ITPR1: variants seen among roughly 807,000 people sequenced by gnomAD.
ITPR1 encodes inositol 1,4,5-trisphosphate receptor type 1.
In ITPR1, 96 loss-of-function variants were observed where a neutral mutation model predicts 318.4. The observed-to-expected ratio is 0.30, with a 90% CI of 0.26 to 0.36. The LOEUF (loss-of-function observed/expected upper bound fraction) is 0.36, where lower values mean the gene tolerates loss of function less well. Among genes scored for constraint, ITPR1 ranks in the 10% least tolerant of loss-of-function variants. The pLI is 1.00. For synonymous variants in ITPR1, 1,312 were observed against 1,289.9 expected (o/e 1.02, Z -0.37); for missense variants, 2,440 against 3,460.2 (o/e 0.71, Z 7.40).
chr3:4,515,328 G>A (rs1007144879), intron 2 of ITPR1, among the ~76,000 whole-genome samples: 5 of 152,232 alleles, frequency 3.3e-5, no homozygotes, highest in Admixed American at 6.5e-5. Flanking sequence ...ACACAATACC[G>A]TTCCACACTG....
At chr3:4,736,049 T>C (rs775104338) in intron 44 of ITPR1, among the ~76,000 whole-genome samples, 2 of 152,242 alleles carry the variant, frequency 1.3e-5, no homozygotes, top group Non-Finnish European at 2.9e-5. Context: ...ATTTTAATAA[T>C]ACATAAATAA....
At chr3:4,666,067 A>G (rs1360928834) in intron 17 of ITPR1, among the ~76,000 whole-genome samples, 1 of 152,112 alleles carries the variant, frequency 6.6e-6, no homozygotes, top group East Asian at 1.9e-4. Flanking sequence ...TATCCTGCCT[A>G]AAATGTCAGT....
chr3:4,836,809 C>G lies in ITPR1; in HGVS notation c.8064C>G (p.Ala2688=). The change falls in exon 61 of 62, where the codon GCC becomes GCG. Residue 2688 remains alanine (A), a synonymous_variant. Coordinates refer to ENST00000649015, the MANE Select transcript of ITPR1 (RefSeq NM_001378452.1). ...RNLDWFPRMR[A]MSLVSSDSEG... ...TTGACTGGTTCCCCAGGATGAGAGCCATGTCATTGGTCAGCAGTGATTCTG... is the reference window on the plus strand; with the variant it reads ...TTGACTGGTTCCCCAGGATGAGAGCGATGTCATTGGTCAGCAGTGATTCTG... 10 of 1,479,560 alleles carry G rather than the reference C, an allele frequency of 6.8e-6. No individual in the cohort carries two copies. Among genetic ancestry groups the G allele is most frequent in the Non-Finnish European group, 9.1e-6 (10 of 1,100,046 alleles). 91.7% of individuals were successfully genotyped at this position (1,479,560 alleles called of 1,614,324 possible). A position where few individuals can be genotyped will look rare whatever the true frequency, so the allele number is the denominator to read the frequency against.
chr3:4,668,365 C>T (rs570832588), intron 18 of ITPR1, among the ~76,000 whole-genome samples: 2 of 151,976 alleles, frequency 1.3e-5, no homozygotes, highest in African/African-American at 2.4e-5. Flanking sequence ...TGAGAAGATG[C>T]GATGTTTGTC....
intron 4 of ITPR1, among the ~76,000 whole-genome samples, chr3:4,595,380 A>C (rs1400062775): frequency 6.6e-6 from 1 of 152,148 alleles, no homozygotes; most frequent in African/African-American, 2.4e-5. Context: ...AAACAGCCAG[A>C]TCTCGTGAGA....
chr3:4,785,512 C>G (rs2047133876), intron 51 of ITPR1, among the ~76,000 whole-genome samples: 2 of 152,180 alleles, frequency 1.3e-5, no homozygotes, highest in Admixed American at 6.5e-5. Context: ...TCTGGGCTAT[C>G]CTAATAAAAC....
intron 33 of ITPR1, among the ~76,000 whole-genome samples, chr3:4,695,391 T>G (rs2094541635): frequency 6.6e-6 from 1 of 151,308 alleles, no homozygotes; most frequent in African/African-American, 2.4e-5. Flanking sequence ...AGTTTGTTTT[T>G]TACTCTTTTT....
At chr3:4,673,708 A>G (rs549345539) in intron 21 of ITPR1, among the ~76,000 whole-genome samples, 35 of 152,078 alleles carry the variant, frequency 2.3e-4, no homozygotes, top group African/African-American at 8.0e-4. Context: ...TCAGCCTCCC[A>G]AGTAGCTGGG....
At chr3:4,509,033 C>G (rs530317289) in intron 2 of ITPR1, among the ~76,000 whole-genome samples, 1 of 152,146 alleles carries the variant, frequency 6.6e-6, no homozygotes, top group Admixed American at 6.5e-5. Context: ...GGAACAAAAA[C>G]GAATGTTTTC....
Position 4,669,706 on chromosome 3 carries a change from G to C in ITPR1, c.1939G>C (p.Val647Leu), listed in dbSNP as rs756436009. The C allele has an allele frequency of 6.2e-7, 1 of 1,613,368 alleles. No homozygotes were observed. Among genetic ancestry groups the C allele is most frequent in the Non-Finnish European group, 8.5e-7 (1 of 1,179,488 alleles). The change falls in exon 19 of 62, where the codon GTG becomes CTG. Residue 647 changes from valine to leucine, a missense_variant. Transcript: ENST00000649015. Reference protein sequence around the residue: ...LCVSMNKSIPVTQELICKAVL... With the variant: ...LCVSMNKSIPLTQELICKAVL... Reference sequence around the variant, plus strand: ...TGTCTCCATGAACAAATCAATTCCAGTGACCCAGGAACTGATATGTAAAGC... The same window carrying C: ...TGTCTCCATGAACAAATCAATTCCACTGACCCAGGAACTGATATGTAAAGC...
chr3:4,560,915 G>A (rs2086612009), intron 4 of ITPR1, among the ~76,000 whole-genome samples: 1 of 152,190 alleles, frequency 6.6e-6, no homozygotes, highest in African/African-American at 2.4e-5. Context: ...AAAGATAGGT[G>A]CTTTGAATCC....
intron 10 of ITPR1, among the ~76,000 whole-genome samples, chr3:4,650,605 T>TTGTGTGTG (rs752768399): frequency 0.028 from 3,697 of 133,176 alleles, 227 homozygotes; most frequent in Admixed American, 0.071. Context: ...TGATATGCCT[T>TTGTGTGTG]AGTGTGTGTG....
At chr3:4,519,052 C>A (rs1487408745) in intron 3 of ITPR1, among the ~76,000 whole-genome samples, 1 of 152,034 alleles carries the variant, frequency 6.6e-6, no homozygotes, top group Non-Finnish European at 1.5e-5. Context: ...GTTAAGAATC[C>A]CTGAGACCAA....
intron 10 of ITPR1, among the ~76,000 whole-genome samples, chr3:4,648,039 C>G (rs1414245490): frequency 2.0e-5 from 3 of 152,138 alleles, no homozygotes; most frequent in Non-Finnish European, 2.9e-5. Flanking sequence ...GTAATCCCAG[C>G]TACTCGGGAG....
chr3:4,748,704 A>G (rs193097960), intron 44 of ITPR1, among the ~76,000 whole-genome samples: 110 of 152,272 alleles, frequency 7.2e-4, no homozygotes, highest in Non-Finnish European at 9.7e-4. Context: ...CCTGTCTTAT[A>G]TTTACAAGAG....
intron 7 of ITPR1, among the ~76,000 whole-genome samples, chr3:4,643,479 G>A (rs2093383328): frequency 6.6e-6 from 1 of 152,146 alleles, no homozygotes; most frequent in Admixed American, 6.5e-5. Context: ...AAGAATAGGT[G>A]TAGACCCATT....
intron 4 of ITPR1, among the ~76,000 whole-genome samples, chr3:4,545,975 G>A (rs984347158): frequency 2.0e-5 from 3 of 152,112 alleles, no homozygotes; most frequent in East Asian, 1.9e-4. Flanking sequence ...GGGATTACAG[G>A]CGTGACATGT....
At chr3:4,729,995 G>A (rs2125313009) in intron 42 of ITPR1, among the ~76,000 whole-genome samples, 1 of 149,230 alleles carries the variant, frequency 6.7e-6, no homozygotes, top group East Asian at 2.0e-4. Context: ...GCTTAGTGCT[G>A]TTGAGTAATT....
intron 44 of ITPR1, among the ~76,000 whole-genome samples, chr3:4,752,314 G>A (rs149980531): frequency 1.3e-3 from 202 of 152,274 alleles, no homozygotes; most frequent in African/African-American, 4.7e-3. Flanking sequence ...GAGACGGAAG[G>A]TGCACAAATG....
Sources: allele counts gnomAD v4.1 joint callset (sites outside exome capture counted in the v4.1 genomes callset), GRCh38; gene constraint gnomAD v4.1.1; transcripts MANE v1.5; gene names NCBI Gene and HGNC (gene_info 2026-07-23, HGNC 2026-07-21).